The following PIK3C2G variants were observed in gnomAD, a reference collection of about 807,000 sequenced individuals.
PIK3C2G encodes phosphatidylinositol 3-kinase C2 domain-containing subunit gamma.
In PIK3C2G, 168 loss-of-function variants were observed where a neutral mutation model predicts 181.1. The ratio of observed to expected loss-of-function variants is 0.93; its 90% CI spans 0.82 to 1.05. The LOEUF is 1.05. Among genes scored for constraint, PIK3C2G ranks in the 50% least tolerant of loss-of-function variants. The pLI is 0.00. For missense variants in PIK3C2G, 1,869 were observed against 1,732.8 expected (o/e 1.08, Z -1.40); for synonymous variants, 573 against 592.2 (o/e 0.97, Z 0.47).
chr12:18,284,402 T>C (rs1189845943), intron 2 of PIK3C2G, among the ~76,000 whole-genome samples: 1 of 151,928 alleles, frequency 6.6e-6, no homozygotes, highest in Non-Finnish European at 1.5e-5. Flanking sequence ...TTTAACTGCC[T>C]GCCAATGAAA....
At chr12:18,683,114 G>T in the PIK3C2G span, 4 of 829,330 alleles carry the variant, frequency 4.8e-6, no homozygotes, top group Non-Finnish European at 7.8e-6. Flanking sequence ...AAGTGAATGG[G>T]CTCAATATTT....
intron 16 of PIK3C2G, among the ~76,000 whole-genome samples, chr12:18,408,298 CA>C (rs1367657667): frequency 3.3e-5 from 5 of 152,086 alleles, no homozygotes; most frequent in African/African-American, 1.2e-4. Context: ...CCAGTTTTCC[CA>C]ACACCATTTA....
At chr12:18,336,020 T>C (rs1938499459) in intron 8 of PIK3C2G, among the ~76,000 whole-genome samples, 1 of 152,006 alleles carries the variant, frequency 6.6e-6, no homozygotes. Context: ...AAAAAAAACA[T>C]AGAACCTAAT....
chr12:18,489,798 C>T (rs993958995), intron 19 of PIK3C2G, among the ~76,000 whole-genome samples: 1 of 152,008 alleles, frequency 6.6e-6, no homozygotes, highest in Non-Finnish European at 1.5e-5. Flanking sequence ...GTCTTTATCT[C>T]CTATGTTTTA....
At chr12:18,344,119 C>T (rs561619641) in intron 10 of PIK3C2G, among the ~76,000 whole-genome samples, 1 of 152,044 alleles carries the variant, frequency 6.6e-6, no homozygotes, top group Non-Finnish European at 1.5e-5. Context: ...TGGTCAGGAT[C>T]GTTCTTGGTT....
At chr12:18,650,706 ATATATC>A (rs1565602607), downstream of PIK3C2G, among the ~76,000 whole-genome samples, 733 of 8,286 alleles carry the variant, frequency 0.088, 80 homozygotes, top group Middle Eastern at 0.17. Context: ...GTGTGTGTGT[ATATATC>A]TATATATATA....
At chr12:18,537,420 T>A (rs1463462919) in intron 24 of PIK3C2G, among the ~76,000 whole-genome samples, 1 of 152,002 alleles carries the variant, frequency 6.6e-6, no homozygotes, top group Non-Finnish European at 1.5e-5. Flanking sequence ...TCTGTTAGAA[T>A]TGCTAATATT....
At chr12:18,258,891 A>AT (rs567880112), upstream of PIK3C2G, among the ~76,000 whole-genome samples, 357 of 152,230 alleles carry the variant, frequency 2.3e-3, no homozygotes, top group Middle Eastern at 6.8e-3. Context: ...CTATTGATTC[A>AT]TTTTTTCCCT....
chr12:18,588,425 T>A (rs1946901900), intron 29 of PIK3C2G, among the ~76,000 whole-genome samples: 1 of 152,076 alleles, frequency 6.6e-6, no homozygotes, highest in African/African-American at 2.4e-5. Context: ...CATTAAAATG[T>A]GGACAAAGGA....
intron 28 of PIK3C2G, among the ~76,000 whole-genome samples, chr12:18,565,622 C>T (rs754686870): frequency 2.2e-4 from 34 of 152,038 alleles, no homozygotes; most frequent in Non-Finnish European, 4.4e-4. Flanking sequence ...TACTGTCAGA[C>T]AAAAGGTCAT....
the PIK3C2G span, among the ~76,000 whole-genome samples, chr12:18,655,244 C>G: frequency 6.6e-6 from 1 of 152,128 alleles, no homozygotes; most frequent in Non-Finnish European, 1.5e-5. Context: ...GGTAAAGAAC[C>G]TGCTTCCAGT....
rs147547570 is a variant in PIK3C2G, at chr12:18,304,508, C to T, written c.1035-9454C>T. ...CTGACCTCTAGTGATCAACCCGCCC[C>T]GGCCTCCCAAAATGCTGGGATTACA... On this transcript the variant is annotated intron_variant, in intron 5 of 32. Transcript: ENST00000538779. Among the ~76,000 whole-genome samples, 1,363 of 152,268 alleles carry T rather than the reference C, an allele frequency of 9.0e-3. 29 individuals carry two copies. Among genetic ancestry groups the T allele is most frequent in the African/African-American group, 0.03 (1,254 of 41,556 alleles).
the PIK3C2G span, chr12:18,723,544 T>C: frequency 6.2e-7 from 1 of 1,609,828 alleles, no homozygotes; most frequent in South Asian, 1.1e-5. Context: ...GTCATTGTCC[T>C]ACTAAAAAAA....
intron 13 of PIK3C2G, among the ~76,000 whole-genome samples, chr12:18,380,540 T>C (rs151115519): frequency 6.6e-6 from 1 of 152,200 alleles, no homozygotes; most frequent in Admixed American, 6.5e-5. Flanking sequence ...TTCTAATCTT[T>C]ACCTCTATTA....
At chr12:18,510,799 C>G (rs924410663) in intron 24 of PIK3C2G, among the ~76,000 whole-genome samples, 1 of 152,100 alleles carries the variant, frequency 6.6e-6, no homozygotes, top group Non-Finnish European at 1.5e-5. Context: ...CGAAATCAAA[C>G]TCGTTAACAC....
At position 18,293,776 on chromosome 12, in the gene PIK3C2G, C is replaced by T. The variant is rs552321240; in HGVS notation, c.920-125C>T. 101 of 624,264 alleles carry T rather than the reference C, an allele frequency of 1.6e-4. 1 individual carries two copies. In the South Asian group the frequency reaches 1.8e-3, roughly 11 times the overall value. 38.7% of individuals were successfully genotyped at this position (624,264 alleles called of 1,614,324 possible). ...AGTCAGATGAATCTCAATTTAATTC[C>T]CCTTGATGAAGCTAGACAGTTACAA... On this transcript the variant is annotated intron_variant, in intron 4 of 32. Transcript: ENST00000538779.
chr12:18,518,000 T>C (rs1028209430), intron 24 of PIK3C2G, among the ~76,000 whole-genome samples: 1 of 152,246 alleles, frequency 6.6e-6, no homozygotes, highest in Non-Finnish European at 1.5e-5. Flanking sequence ...CATGTGGTTT[T>C]TGTCATTGAT....
At chr12:18,272,444 G>A (rs1444589756) in intron 1 of PIK3C2G, among the ~76,000 whole-genome samples, 1 of 152,088 alleles carries the variant, frequency 6.6e-6, no homozygotes, top group East Asian at 1.9e-4. Flanking sequence ...AGTCACCAAT[G>A]CTTGATGCCT....
intron 8 of PIK3C2G, among the ~76,000 whole-genome samples, chr12:18,336,715 C>CTT (rs60168844): frequency 0.059 from 8,956 of 152,130 alleles, 903 homozygotes; most frequent in African/African-American, 0.21. Context: ...CCATGAAAGA[C>CTT]AAAATAGATC....
Sources: allele counts gnomAD v4.1 joint callset (sites outside exome capture counted in the v4.1 genomes callset), GRCh38; gene constraint gnomAD v4.1.1; transcripts MANE v1.5; gene names NCBI Gene and HGNC (gene_info 2026-07-23, HGNC 2026-07-21).